PTGIS: variants seen among roughly 807,000 people sequenced by gnomAD.
PTGIS encodes the protein prostacyclin synthase.
In PTGIS, 45 loss-of-function variants were observed where a neutral mutation model predicts 50.3. The ratio of observed to expected loss-of-function variants is 0.90; its 90% CI spans 0.70 to 1.15. The LOEUF is 1.15. Among genes scored for constraint, PTGIS ranks in the 50% most tolerant of loss-of-function variants. PTGIS has a pLI of 0.00. For synonymous variants in PTGIS, 260 were observed against 267.7 expected (o/e 0.97, Z 0.28); for missense variants, 668 against 661.3 (o/e 1.01, Z -0.11).
chr20:49,533,127 A>T (rs1601190094), intron 5 of PTGIS, among the ~76,000 whole-genome samples: 1 of 152,244 alleles, frequency 6.6e-6, no homozygotes, highest in Middle Eastern at 3.4e-3. Flanking sequence ...TCATCCAAAA[A>T]ATGAGGACCC....
chr20:49,567,546 G>A (rs1326798947), intron 1 of PTGIS, among the ~76,000 whole-genome samples: 1 of 152,200 alleles, frequency 6.6e-6, no homozygotes, highest in African/African-American at 2.4e-5. Flanking sequence ...ACTCCCATCT[G>A]TGTAATGGGT....
At chr20:49,517,375 T>C (rs568823235) in intron 6 of PTGIS, among the ~76,000 whole-genome samples, 2 of 152,216 alleles carry the variant, frequency 1.3e-5, no homozygotes, top group African/African-American at 2.4e-5. Flanking sequence ...TGGCTATCTC[T>C]GCCTGCAGGA....
chr20:49,509,881 C>CTTTTTTTTTTT (rs11337451), intron 9 of PTGIS, among the ~76,000 whole-genome samples: 94 of 93,356 alleles, frequency 1.0e-3, no homozygotes, highest in Middle Eastern at 7.6e-3. Flanking sequence ...TTCTTTCTTT[C>CTTTTTTTTTTT]TTTTTTTTTT....
chr20:49,522,109 G>A (rs575964762), intron 6 of PTGIS, among the ~76,000 whole-genome samples: 2 of 152,042 alleles, frequency 1.3e-5, no homozygotes, highest in South Asian at 2.1e-4. Flanking sequence ...AAGGCCCTCA[G>A]TGACCTCTTC....
chr20:49,528,642 T>C (rs1218703650), intron 5 of PTGIS, among the ~76,000 whole-genome samples: 2 of 151,950 alleles, frequency 1.3e-5, no homozygotes, highest in Non-Finnish European at 2.9e-5. Context: ...AAAAAATATA[T>C]ATATAGCAGT....
chr20:49,542,172 G>A, intron 4 of PTGIS, among the ~76,000 whole-genome samples: 1 of 152,180 alleles, frequency 6.6e-6, no homozygotes, highest in Non-Finnish European at 1.5e-5. Context: ...GGGCTACAAG[G>A]TGAGGACAGA....
In PTGIS at chr20:49,507,860, C is replaced by T. The variant is rs1377276791; in HGVS notation, c.*60G>A. ...ACTGTGCACACAGAAAGCTGGGAGG[C>T]TGGGGCAGGCTGGGGCAGGCTGGGC... is the stretch of plus-strand genomic sequence containing the variant. On this transcript the variant is annotated 3_prime_UTR_variant, in exon 10 of 10. Coordinates refer to ENST00000244043, the MANE Select transcript of PTGIS (RefSeq NM_000961.4). 6.3e-7 allele frequency: 1 copy of T among 1,598,086 alleles called. No homozygotes were observed. Among genetic ancestry groups the T allele is most frequent in the African/African-American group, 1.3e-5 (1 of 74,846 alleles).
At chr20:49,562,348 T>C (rs1982797031) in intron 1 of PTGIS, among the ~76,000 whole-genome samples, 1 of 152,222 alleles carries the variant, frequency 6.6e-6, no homozygotes, top group Non-Finnish European at 1.5e-5. Context: ...CCAGGTGTTA[T>C]TCCTGGCAGC....
Position 49,507,927 on chromosome 20 carries a change from C to A in PTGIS, c.1496G>T (p.Arg499Leu). 4.3e-6 allele frequency: 7 copies of A among 1,612,036 alleles called. No homozygotes were observed. Among genetic ancestry groups the A allele is most frequent in the Non-Finnish European group, 5.9e-6 (7 of 1,180,010 alleles). Reference protein sequence around the residue: ...EHDVPVRYRIRP With the variant: ...EHDVPVRYRILP ...ATCCATCTGCTCCCTGTGTCATGGG[C>A]GGATGCGGTAGCGGACGGGCACGTC... The change falls in exon 10 of 10, where the codon CGC (arginine) becomes CTC (leucine). Residue 499 changes from arginine (R) to leucine (L), a missense_variant. Arg to Leu is a moderately radical substitution (Grantham distance 102). Transcript: ENST00000244043.
At chr20:49,509,568 C>T (rs929679688) in intron 9 of PTGIS, among the ~76,000 whole-genome samples, 2 of 152,158 alleles carry the variant, frequency 1.3e-5, no homozygotes, top group African/African-American at 4.8e-5. Flanking sequence ...GCAAGTTTCA[C>T]ATTTGCTCAC....
At chr20:49,530,830 G>A (rs1270630634) in intron 5 of PTGIS, among the ~76,000 whole-genome samples, 3 of 152,112 alleles carry the variant, frequency 2.0e-5, no homozygotes, top group Non-Finnish European at 2.9e-5. Context: ...CGTGATCTCG[G>A]CTCACTGCAA....
At chr20:49,565,169 G>A (rs1161832959) in intron 1 of PTGIS, among the ~76,000 whole-genome samples, 6 of 149,858 alleles carry the variant, frequency 4.0e-5, no homozygotes, top group Admixed American at 2.0e-4. Context: ...TTTTAGTAGC[G>A]ATGAGGTTTC....
At chr20:49,563,561 G>T (rs1310440621) in intron 1 of PTGIS, among the ~76,000 whole-genome samples, 1 of 152,166 alleles carries the variant, frequency 6.6e-6, no homozygotes, top group Non-Finnish European at 1.5e-5. Flanking sequence ...GGAAAGTATT[G>T]CTAGATCTTC....
chr20:49,532,879 A>G (rs1159089135), intron 5 of PTGIS, among the ~76,000 whole-genome samples: 1 of 152,174 alleles, frequency 6.6e-6, no homozygotes, highest in Non-Finnish European at 1.5e-5. Flanking sequence ...AAGATCACAC[A>G]CAGAACACAC....
chr20:49,543,713 G>A (rs971035214), intron 4 of PTGIS, among the ~76,000 whole-genome samples: 6 of 152,214 alleles, frequency 3.9e-5, no homozygotes, highest in Middle Eastern at 3.4e-3. Context: ...CTCGTCAGTC[G>A]GCCTAAGAAA....
intron 5 of PTGIS, among the ~76,000 whole-genome samples, chr20:49,528,078 TG>T (rs1981835799): frequency 6.6e-6 from 1 of 152,152 alleles, no homozygotes; most frequent in African/African-American, 2.4e-5. Flanking sequence ...AGGTGGAGGT[TG>T]CAGTGAGCTG....
At chr20:49,557,738 A>G (rs1347337677) in intron 1 of PTGIS, among the ~76,000 whole-genome samples, 2 of 152,142 alleles carry the variant, frequency 1.3e-5, no homozygotes, top group Admixed American at 6.5e-5. Context: ...CTACAGATAA[A>G]AGTTTCAGTA....
intron 2 of PTGIS, among the ~76,000 whole-genome samples, chr20:49,548,712 T>TGGAA (rs146417025): frequency 5.3e-4 from 79 of 149,698 alleles, no homozygotes; most frequent in East Asian, 2.2e-3. Context: ...GGTAAATGAA[T>TGGAA]GGAAGGAAGG....
chr20:49,510,159 G>T (rs1313224024), intron 9 of PTGIS, among the ~76,000 whole-genome samples: 1 of 151,832 alleles, frequency 6.6e-6, no homozygotes, highest in Non-Finnish European at 1.5e-5. Context: ...AAAGTGCTGG[G>T]ATTACAGGCG....
Sources: gnomAD v4.1 joint callset for allele counts (sites outside exome capture counted in the v4.1 genomes callset) on GRCh38, gnomAD v4.1.1 for gene constraint, MANE v1.5 for transcripts, NCBI Gene and HGNC (gene_info 2026-07-23, HGNC 2026-07-21) for gene names.